Variants in ELMO1 observed in about 807,000 individuals in gnomAD.
ELMO1 encodes engulfment and cell motility protein 1.
Under a neutral mutation model 98.9 loss-of-function variants are expected in ELMO1, and 26 were observed. The ratio of observed to expected loss-of-function variants is 0.26; its 90% CI spans 0.19 to 0.36. The LOEUF (loss-of-function observed/expected upper bound fraction) is 0.36, where lower values mean the gene tolerates loss of function less well. Ranked by LOEUF, ELMO1 falls within the 10% of genes least tolerant of loss-of-function variation. The pLI, the probability that ELMO1 is intolerant of heterozygous loss-of-function variation, is 1.00. For missense variants in ELMO1, 627 were observed against 935.2 expected (o/e 0.67, Z 4.30); for synonymous variants, 346 against 346.0 (o/e 1.00, Z 0.00).
chr7:37,276,734 G>A (rs558446138), intron 4 of ELMO1, among the ~76,000 whole-genome samples: 1 of 152,340 alleles, frequency 6.6e-6, no homozygotes, highest in East Asian at 1.9e-4. Context: ...ACCAAGGACA[G>A]AAACGTCTAC....
intron 1 of ELMO1, among the ~76,000 whole-genome samples, chr7:37,349,155 T>G (rs753556933): frequency 2.3e-4 from 35 of 152,214 alleles, no homozygotes; most frequent in Admixed American, 5.2e-4. Flanking sequence ...AGAAACGATC[T>G]GCTTCCACTC....
intron 16 of ELMO1, among the ~76,000 whole-genome samples, chr7:36,939,740 G>A (rs1786863621): frequency 6.6e-6 from 1 of 152,222 alleles, no homozygotes; most frequent in South Asian, 2.1e-4. Context: ...GGCCGACAAG[G>A]AGAGAGCAGG....
chr7:36,961,812 G>A (rs1399961606), intron 16 of ELMO1, among the ~76,000 whole-genome samples: 1 of 152,046 alleles, frequency 6.6e-6, no homozygotes, highest in Non-Finnish European at 1.5e-5. Context: ...TTGCCCCTCT[G>A]TCCCACAGAA....
chr7:37,024,136 G>A (rs116719916), intron 15 of ELMO1, among the ~76,000 whole-genome samples: 3,640 of 151,532 alleles, frequency 0.024, 104 homozygotes, highest in African/African-American at 0.066. Context: ...TCCATCTGTC[G>A]GTCGGTCCAT....
At position 37,317,352 on chromosome 7, in the gene ELMO1, C is replaced by T. The variant is rs1405966022; in HGVS notation, c.79-1392G>A. 2.6e-5 allele frequency among the ~76,000 whole-genome samples: 4 copies of T among 152,150 alleles called. No individual in the cohort carries two copies. In the East Asian group the frequency reaches 7.7e-4, roughly 29 times the overall value. On this transcript the variant is annotated intron_variant, in intron 2 of 21. Coordinates refer to ENST00000310758, the MANE Select transcript of ELMO1 (RefSeq NM_014800.11). ...TGTGCAGAAGAATGTCTGTCTTCGC[C>T]TACAACTATAAACACACTTGGAGGT...
intron 15 of ELMO1, among the ~76,000 whole-genome samples, chr7:37,092,627 G>A (rs961728153): frequency 2.0e-5 from 3 of 151,924 alleles, no homozygotes; most frequent in Non-Finnish European, 4.4e-5. Context: ...AGCCCACCTT[G>A]GCCTCCCAAA....
intron 16 of ELMO1, among the ~76,000 whole-genome samples, chr7:36,915,673 T>G (rs937749211): frequency 1.3e-5 from 2 of 152,084 alleles, no homozygotes; most frequent in African/African-American, 4.8e-5. Flanking sequence ...AAAGTAAAAA[T>G]AGCATGGGTT....
chr7:37,259,040 T>C, intron 6 of ELMO1, 141 bp downstream of exon 6: 1 of 970,932 alleles, frequency 1.0e-6, no homozygotes, highest in Non-Finnish European at 1.4e-6. Context: ...GCCTCGCCAC[T>C]ATCTTAAAAA....
At chr7:36,886,645 T>C (rs927434432) in intron 18 of ELMO1, among the ~76,000 whole-genome samples, 15 of 152,300 alleles carry the variant, frequency 9.8e-5, no homozygotes, top group Middle Eastern at 3.4e-3. Context: ...GCTCTGGCTG[T>C]TTGCTTCTAG....
intron 4 of ELMO1, among the ~76,000 whole-genome samples, chr7:37,273,143 C>G (rs1210990330): frequency 6.6e-6 from 1 of 152,220 alleles, no homozygotes; most frequent in Admixed American, 6.5e-5. Flanking sequence ...ATAAGCAGCT[C>G]TCCAATCAGT....
chr7:36,864,319 G>T (rs896323817), intron 20 of ELMO1, among the ~76,000 whole-genome samples: 2 of 152,148 alleles, frequency 1.3e-5, no homozygotes, highest in African/African-American at 4.8e-5. Flanking sequence ...GCCCTTCTAT[G>T]ACATATACCA....
At position 36,958,690 on chromosome 7, in the gene ELMO1, G is replaced by T. The variant is rs543252826; in HGVS notation, c.1437+54609C>A. ...CTCTTCCTAAGGAGCATTTCTTCTC[G>T]TGGCACTACAAAACGCCACACTTGT... is the stretch of plus-strand genomic sequence containing the variant. On this transcript the variant is annotated intron_variant, in intron 16 of 21. Transcript: ENST00000310758. Among the ~76,000 whole-genome samples the T allele has an allele frequency of 1.3e-3, 201 of 152,072 alleles. 1 individual carries two copies. The highest frequency in any genetic ancestry group is 4.5e-3 in the African/African-American group (187 of 41,478).
chr7:37,150,101 C>CAA (rs1232145402), intron 13 of ELMO1, among the ~76,000 whole-genome samples: 1 of 152,088 alleles, frequency 6.6e-6, no homozygotes, highest in Non-Finnish European at 1.5e-5. Flanking sequence ...TTTTTAAAGG[C>CAA]AAACCTCAGA....
chr7:37,092,779 C>T (rs1446764801), intron 15 of ELMO1, among the ~76,000 whole-genome samples: 1 of 152,094 alleles, frequency 6.6e-6, no homozygotes, highest in Non-Finnish European at 1.5e-5. Flanking sequence ...AATAAGGAAC[C>T]AGCGGCTCAG....
chr7:37,159,085 A>G (rs1369367449), intron 13 of ELMO1, among the ~76,000 whole-genome samples: 6 of 152,344 alleles, frequency 3.9e-5, no homozygotes, highest in Middle Eastern at 3.4e-3. Context: ...GTTCCCACGC[A>G]TAAGTGGGAG....
intron 17 of ELMO1, among the ~76,000 whole-genome samples, chr7:36,893,718 T>C (rs1805754741): frequency 6.6e-6 from 1 of 152,142 alleles, no homozygotes; most frequent in Admixed American, 6.5e-5. Flanking sequence ...CAGTCCCGGC[T>C]CTTCCACTTG....
chr7:36,881,624 A>T (rs571051447), intron 18 of ELMO1, among the ~76,000 whole-genome samples: 1 of 152,270 alleles, frequency 6.6e-6, no homozygotes, highest in Admixed American at 6.5e-5. Flanking sequence ...AAAACAAAAT[A>T]CAGGGAGAAT....
At chr7:37,094,507 T>C (rs757060809) in intron 15 of ELMO1, among the ~76,000 whole-genome samples, 4 of 152,046 alleles carry the variant, frequency 2.6e-5, no homozygotes, top group Non-Finnish European at 5.9e-5. Flanking sequence ...AAGCACAAAA[T>C]GAACATTCAC....
At chr7:36,872,358 T>A (rs1803595721) in intron 19 of ELMO1, among the ~76,000 whole-genome samples, 2 of 152,316 alleles carry the variant, frequency 1.3e-5, no homozygotes. Context: ...TGCACACTGG[T>A]CTGTGTTCCT....
Sources: gnomAD v4.1 joint callset for allele counts (sites outside exome capture counted in the v4.1 genomes callset) on GRCh38, gnomAD v4.1.1 for gene constraint, MANE v1.5 for transcripts, NCBI Gene and HGNC (gene_info 2026-07-23, HGNC 2026-07-21) for gene names.